PCSK5: variants seen among roughly 807,000 people sequenced by gnomAD.
PCSK5 encodes prohormone convertase 5.
In PCSK5, 129 loss-of-function variants were observed where a neutral mutation model predicts 233.2. The observed-to-expected ratio is 0.55, with a 90% confidence interval of 0.48 to 0.64. The LOEUF is 0.64. PCSK5 is among the 30% of genes least tolerant of loss of function. The pLI, the probability that PCSK5 is intolerant of heterozygous loss-of-function variation, is 0.00. For synonymous variants in PCSK5, 825 were observed against 879.2 expected (o/e 0.94, Z 1.09); for missense variants, 2,076 against 2,430.1 (o/e 0.85, Z 3.06).
At chr9:76,201,996 CA>C in intron 20 of PCSK5, among the ~76,000 whole-genome samples, 1 of 152,068 alleles carries the variant, frequency 6.6e-6, no homozygotes, top group Admixed American at 6.5e-5. Flanking sequence ...TGATATTAAA[CA>C]GGATTTCTTG....
intron 20 of PCSK5, chr9:76,194,111 G>C (rs1342275436): frequency 7.9e-5 from 12 of 152,340 alleles, no homozygotes; most frequent in Admixed American, 2.0e-4. Context: ...TAGTCAAATT[G>C]GTGATGGACA....
intron 3 of PCSK5, among the ~76,000 whole-genome samples, chr9:76,013,516 G>T (rs1827820048): frequency 6.6e-6 from 1 of 152,206 alleles, no homozygotes; most frequent in African/African-American, 2.4e-5. Context: ...AAGAGATGTA[G>T]CCTTCAGTAA....
intron 9 of PCSK5, among the ~76,000 whole-genome samples, chr9:76,116,187 A>G (rs1352346934): frequency 1.3e-5 from 2 of 152,116 alleles, no homozygotes; most frequent in Non-Finnish European, 2.9e-5. Context: ...GACATCAACA[A>G]GATGATTATG....
At chr9:76,191,186 C>G (rs565758956) in intron 20 of PCSK5, among the ~76,000 whole-genome samples, 1 of 150,610 alleles carries the variant, frequency 6.6e-6, no homozygotes, top group African/African-American at 2.4e-5. Flanking sequence ...TTCAAAACAT[C>G]TTTGGATTGT....
intron 20 of PCSK5, chr9:76,193,152 G>T: frequency 2.5e-6 from 3 of 1,218,626 alleles, no homozygotes; most frequent in Non-Finnish European, 3.5e-6. Context: ...CTGCCTCTCT[G>T]GCCAATCACA....
chr9:76,012,053 T>C (rs1482676350), intron 3 of PCSK5, among the ~76,000 whole-genome samples: 1 of 152,198 alleles, frequency 6.6e-6, no homozygotes, highest in Admixed American at 6.5e-5. Context: ...AGATCATGTG[T>C]TTTCTCATTC....
At chr9:76,334,966 T>A (rs984465902) in intron 34 of PCSK5, among the ~76,000 whole-genome samples, 2 of 152,058 alleles carry the variant, frequency 1.3e-5, no homozygotes, top group African/African-American at 4.8e-5. Context: ...TGATCCCAGC[T>A]ACTGGGGAAT....
chr9:76,297,381 C>T (rs1290870357), intron 27 of PCSK5, among the ~76,000 whole-genome samples: 2 of 152,098 alleles, frequency 1.3e-5, no homozygotes, highest in Non-Finnish European at 2.9e-5. Flanking sequence ...TAGAGCTCAC[C>T]GTCAGTCAAG....
At chr9:75,901,543 C>T (rs938003049) in intron 1 of PCSK5, among the ~76,000 whole-genome samples, 2 of 150,986 alleles carry the variant, frequency 1.3e-5, no homozygotes, top group East Asian at 2.0e-4. Context: ...ACCTTGATGA[C>T]GGGTTGATGG....
intron 3 of PCSK5, among the ~76,000 whole-genome samples, chr9:75,996,141 C>T (rs936266538): frequency 6.6e-6 from 1 of 152,066 alleles, no homozygotes; most frequent in African/African-American, 2.4e-5. Flanking sequence ...ATTAATAATT[C>T]CAAGAAAAAG....
intron 4 of PCSK5, among the ~76,000 whole-genome samples, chr9:76,025,601 CAT>C (rs771174146): frequency 6.6e-6 from 1 of 152,146 alleles, no homozygotes; most frequent in African/African-American, 2.4e-5. Flanking sequence ...TATTTATCTA[CAT>C]ATGTTTCTTA....
chr9:76,345,621 A>G (rs1373533593), intron 35 of PCSK5, among the ~76,000 whole-genome samples: 2 of 151,442 alleles, frequency 1.3e-5, no homozygotes, highest in East Asian at 1.9e-4. Context: ...ACGGGGTTTC[A>G]CCATGTTAGA....
intron 1 of PCSK5, among the ~76,000 whole-genome samples, chr9:75,898,809 C>G (rs1825911724): frequency 6.6e-6 from 1 of 152,176 alleles, no homozygotes; most frequent in African/African-American, 2.4e-5. Context: ...CCCACTGATT[C>G]TACCAGCACA....
chr9:76,265,315 G>A (rs1827301759), intron 24 of PCSK5, among the ~76,000 whole-genome samples: 1 of 151,890 alleles, frequency 6.6e-6, no homozygotes, highest in Non-Finnish European at 1.5e-5. Context: ...ACTAAGTTCA[G>A]TATCAGTTAT....
Position 76,332,429 on chromosome 9 carries a change from AC to A in PCSK5, c.4571-3del. 6.2e-7 allele frequency: 1 copy of A among 1,608,294 alleles called. No individual in the cohort carries two copies. ...CCAAATAGACATTTTTTCTCCCATGACAGACACAACCTGTGTGAAGGACTGC... is the reference window on the plus strand; with the variant it reads ...CCAAATAGACATTTTTTCTCCCATGAAGACACAACCTGTGTGAAGGACTGC... On this transcript the variant is annotated splice_region_variant and splice_polypyrimidine_tract_variant and intron_variant, in intron 33 of 37. Transcript: ENST00000674117.
chr9:76,082,613 T>G (rs760617078), intron 7 of PCSK5, among the ~76,000 whole-genome samples: 1 of 151,848 alleles, frequency 6.6e-6, no homozygotes, highest in East Asian at 1.9e-4. Context: ...GCTCCGAAAG[T>G]CCCTTCAGTT....
In PCSK5 at chr9:76,158,871, T is replaced by G. The variant is rs1822720926; in HGVS notation, c.1431-112T>G. 3.5e-6 allele frequency: 3 copies of G among 865,460 alleles called. No individual in the cohort carries two copies. In the Admixed American group the frequency reaches 6.3e-5, roughly 18 times the overall value. The allele number at this position is 865,460 out of a possible 1,614,324, so 53.6% of individuals were successfully genotyped here. On this transcript the variant is annotated intron_variant, in intron 11 of 37. Coordinates refer to ENST00000674117, the MANE Select transcript of PCSK5 (RefSeq NM_001372043.1). ...TTGGTGATAGCACTGTTGTTTAGTA[T>G]CCAGCTATCAGCTGCTTATCTTACA...
At chr9:76,163,999 A>T (rs1342702436) in intron 12 of PCSK5, among the ~76,000 whole-genome samples, 1 of 151,972 alleles carries the variant, frequency 6.6e-6, no homozygotes, top group African/African-American at 2.4e-5. Flanking sequence ...TTACAGATGA[A>T]TATCTCTGCT....
At chr9:76,058,495 A>T (rs148303974) in intron 5 of PCSK5, among the ~76,000 whole-genome samples, 3 of 152,336 alleles carry the variant, frequency 2.0e-5, no homozygotes, top group Admixed American at 2.0e-4. Flanking sequence ...AATTACTAAC[A>T]TCCTCATAGG....
Sources: gnomAD v4.1 joint callset for allele counts (sites outside exome capture counted in the v4.1 genomes callset) on GRCh38, gnomAD v4.1.1 for gene constraint, MANE v1.5 for transcripts, NCBI Gene and HGNC (gene_info 2026-07-23, HGNC 2026-07-21) for gene names.